PCDH9: variants seen among roughly 807,000 people sequenced by gnomAD.
The protein encoded by PCDH9 is protocadherin-9.
In PCDH9, 24 loss-of-function variants were observed where a neutral mutation model predicts 70.6. The observed-to-expected ratio is 0.34, with a 90% CI of 0.25 to 0.48. The LOEUF is 0.48. PCDH9 is among the 20% of genes least tolerant of loss of function. The probability of loss-of-function intolerance (pLI) is 0.99; values close to 1 mark genes in which losing one functional copy is unlikely to be tolerated. For synonymous variants in PCDH9, 562 were observed against 558.5 expected (o/e 1.01, Z -0.09); for missense variants, 1,281 against 1,503.6 (o/e 0.85, Z 2.45).
At chr13:67,006,421 T>C (rs975460900) in intron 2 of PCDH9, among the ~76,000 whole-genome samples, 1 of 152,206 alleles carries the variant, frequency 6.6e-6, no homozygotes, top group Non-Finnish European at 1.5e-5. Context: ...TGGCTGAAAT[T>C]ATCAGAATTA....
chr13:67,157,795 T>G (rs2087852844), intron 2 of PCDH9, among the ~76,000 whole-genome samples: 1 of 152,228 alleles, frequency 6.6e-6, no homozygotes, highest in Non-Finnish European at 1.5e-5. Context: ...GCCTTAAGTC[T>G]AGCACGCAGA....
intron 2 of PCDH9, among the ~76,000 whole-genome samples, chr13:66,928,822 T>C (rs927362627): frequency 2.0e-5 from 3 of 151,950 alleles, no homozygotes; most frequent in Non-Finnish European, 2.9e-5. Flanking sequence ...TACTTTGTTA[T>C]AGCAGTCTGA....
intron 3 of PCDH9, among the ~76,000 whole-genome samples, chr13:66,747,851 TATTA>T (rs1486152690): frequency 2.0e-5 from 3 of 152,200 alleles, no homozygotes; most frequent in Non-Finnish European, 2.9e-5. Flanking sequence ...GACAATAATT[TATTA>T]ATTGTGGTGT....
At chr13:66,796,825 G>T (rs1032287734) in intron 3 of PCDH9, among the ~76,000 whole-genome samples, 1 of 152,018 alleles carries the variant, frequency 6.6e-6, no homozygotes, top group Non-Finnish European at 1.5e-5. Flanking sequence ...GTGTATTAAC[G>T]GTTGAAGAAG....
intron 2 of PCDH9, among the ~76,000 whole-genome samples, chr13:66,939,570 GGGATT>G (rs2082974793): frequency 6.6e-6 from 1 of 151,834 alleles, no homozygotes; most frequent in Admixed American, 6.6e-5. Flanking sequence ...CCGAGTAGCT[GGGATT>G]ACAGGTGGCT....
At chr13:66,557,519 T>C (rs923928533) in intron 4 of PCDH9, among the ~76,000 whole-genome samples, 2 of 152,216 alleles carry the variant, frequency 1.3e-5, no homozygotes, top group Admixed American at 1.3e-4. Context: ...TGCTCATAAA[T>C]ATAGAAATCA....
Position 67,228,469 on chromosome 13 carries a change from T to C in PCDH9, c.-29A>G. 1 of 1,525,486 alleles carries C rather than the reference T, an allele frequency of 6.6e-7. No individual in the cohort carries two copies. The allele number at this position is 1,525,486 out of a possible 1,614,324, so 94.5% of individuals were successfully genotyped here. On this transcript the variant is annotated 5_prime_UTR_variant, in exon 2 of 5. Coordinates refer to ENST00000377865, the MANE Select transcript of PCDH9 (RefSeq NM_203487.3). Reference sequence around the variant, plus strand: ...AATGTATTTATTTTCTTTTCCTGGATTTTAGGGTTTAAAGGTTTCCACTGA... The same window carrying C: ...AATGTATTTATTTTCTTTTCCTGGACTTTAGGGTTTAAAGGTTTCCACTGA...
intron 2 of PCDH9, 39 bp downstream of exon 2, chr13:67,225,366 G>C: frequency 6.3e-7 from 1 of 1,586,712 alleles, no homozygotes; most frequent in East Asian, 2.2e-5. Flanking sequence ...CTGGGCACTT[G>C]TATGCAGTAC....
At chr13:66,933,913 C>T (rs1033062439) in intron 2 of PCDH9, among the ~76,000 whole-genome samples, 4 of 143,546 alleles carry the variant, frequency 2.8e-5, no homozygotes, top group East Asian at 2.0e-4. Context: ...AAAAAGGGGG[C>T]GGGGGGGCAA....
rs560225142 is a variant in PCDH9, at chr13:66,736,981, G to A, written c.3139-105570C>T. Among the ~76,000 whole-genome samples the A allele has an allele frequency of 7.6e-4, 115 of 152,060 alleles. 1 individual carries two copies. The highest frequency in any genetic ancestry group is 2.4e-3 in the African/African-American group (99 of 41,484). ...ACTTATAAAGCCATATAAAATATACGTTCCTGAGGGGAAAAAAACAGTGTA... is the reference window on the plus strand; with the variant it reads ...ACTTATAAAGCCATATAAAATATACATTCCTGAGGGGAAAAAAACAGTGTA... On this transcript the variant is annotated intron_variant, in intron 3 of 4. Coordinates refer to ENST00000377865, the MANE Select transcript of PCDH9 (RefSeq NM_203487.3).
At chr13:66,399,699 T>C (rs1385879856) in intron 4 of PCDH9, among the ~76,000 whole-genome samples, 1 of 148,612 alleles carries the variant, frequency 6.7e-6, no homozygotes, top group East Asian at 2.0e-4. Context: ...TGATCTTTTG[T>C]CAAAAAAAAG....
chr13:66,437,213 C>T (rs1360544714), intron 4 of PCDH9, among the ~76,000 whole-genome samples: 1 of 151,570 alleles, frequency 6.6e-6, no homozygotes, highest in Non-Finnish European at 1.5e-5. Flanking sequence ...CGAAACCATC[C>T]TGGCTAACAC....
chr13:66,446,457 A>G (rs1958091765), intron 4 of PCDH9, among the ~76,000 whole-genome samples: 1 of 152,112 alleles, frequency 6.6e-6, no homozygotes, highest in South Asian at 2.1e-4. Flanking sequence ...AGTAGGAAAA[A>G]GAAGACCCAA....
intron 2 of PCDH9, among the ~76,000 whole-genome samples, chr13:67,046,411 A>C (rs1440805811): frequency 6.6e-6 from 1 of 152,206 alleles, no homozygotes; most frequent in Admixed American, 6.5e-5. Context: ...AAGCTGAGTA[A>C]CATCTTAATA....
chr13:66,479,563 T>A (rs1436702552), intron 4 of PCDH9, among the ~76,000 whole-genome samples: 1 of 152,090 alleles, frequency 6.6e-6, no homozygotes, highest in Non-Finnish European at 1.5e-5. Context: ...CTGGGTCGAG[T>A]GGGGACTTGG....
intron 3 of PCDH9, among the ~76,000 whole-genome samples, chr13:66,699,343 G>A (rs899148432): frequency 3.3e-5 from 5 of 152,056 alleles, no homozygotes; most frequent in African/African-American, 7.2e-5. Context: ...ATAAAATGGC[G>A]GTTCCCCAAA....
chr13:67,216,701 T>TATAC (rs1250025962), intron 2 of PCDH9: 41 of 143,130 alleles, frequency 2.9e-4, no homozygotes, highest in African/African-American at 1.0e-3. Flanking sequence ...TATATATATA[T>TATAC]ATATATGGAT....
At chr13:66,530,805 C>A (rs1440253599) in intron 4 of PCDH9, among the ~76,000 whole-genome samples, 1 of 151,960 alleles carries the variant, frequency 6.6e-6, no homozygotes, top group Non-Finnish European at 1.5e-5. Context: ...ATTATAATTG[C>A]GAGGAGTTTC....
At chr13:66,821,070 T>C (rs1462218095) in intron 3 of PCDH9, among the ~76,000 whole-genome samples, 2 of 152,208 alleles carry the variant, frequency 1.3e-5, no homozygotes, top group Admixed American at 1.3e-4. Flanking sequence ...GTTCTGATTA[T>C]AGAGCAGATT....
Sources: allele counts gnomAD v4.1 joint callset (sites outside exome capture counted in the v4.1 genomes callset), GRCh38; gene constraint gnomAD v4.1.1; transcripts MANE v1.5; gene names NCBI Gene and HGNC (gene_info 2026-07-23, HGNC 2026-07-21).